The following LHFPL3 variants were observed in gnomAD, a reference collection of about 807,000 sequenced individuals.
LHFPL3 encodes LHFPL tetraspan subfamily member 3, also known as LHFPL tetraspan subfamily member 3 protein.
In LHFPL3, 5 loss-of-function variants were observed where a neutral mutation model predicts 19.3. The ratio of observed to expected loss-of-function variants is 0.26; its 90% CI spans 0.14 to 0.54. The LOEUF (loss-of-function observed/expected upper bound fraction) is 0.54. Ranked by LOEUF, LHFPL3 falls within the 20% of genes least tolerant of loss-of-function variation. The pLI, the probability that LHFPL3 is intolerant of heterozygous loss-of-function variation, is 0.94. For missense variants in LHFPL3, 249 were observed against 307.4 expected (o/e 0.81, Z 1.42); for synonymous variants, 133 against 126.2 (o/e 1.05, Z -0.36).
intron 1 of LHFPL3, among the ~76,000 whole-genome samples, chr7:104,692,406 C>T (rs1170370851): frequency 6.6e-6 from 1 of 152,246 alleles, no homozygotes; most frequent in African/African-American, 2.4e-5. Context: ...ACTGTAGCCC[C>T]TCCCATCACA....
intron 2 of LHFPL3, among the ~76,000 whole-genome samples, chr7:104,813,807 T>C (rs1373998694): frequency 6.6e-6 from 1 of 152,174 alleles, no homozygotes; most frequent in Non-Finnish European, 1.5e-5. Context: ...CCTGAAAGCT[T>C]GGAGATGCCA....
intron 1 of LHFPL3, among the ~76,000 whole-genome samples, chr7:104,667,590 A>G (rs971127269): frequency 1.3e-5 from 2 of 152,244 alleles, no homozygotes; most frequent in Admixed American, 1.3e-4. Flanking sequence ...TGGATCCACT[A>G]TCAGCATAAC....
chr7:104,829,515 G>A (rs1016398416), intron 2 of LHFPL3, among the ~76,000 whole-genome samples: 10 of 151,474 alleles, frequency 6.6e-5, no homozygotes, highest in African/African-American at 2.0e-4. Context: ...GGAGTGTGAT[G>A]TTCCCCTTCC....
intron 1 of LHFPL3, among the ~76,000 whole-genome samples, chr7:104,463,459 A>T (rs1291807866): frequency 6.6e-6 from 1 of 152,230 alleles, no homozygotes; most frequent in Non-Finnish European, 1.5e-5. Context: ...AGTTTCAAAG[A>T]ACTTCTTGAT....
At chr7:104,764,703 C>T (rs1374812542) in intron 2 of LHFPL3, among the ~76,000 whole-genome samples, 1 of 152,210 alleles carries the variant, frequency 6.6e-6, no homozygotes, top group Non-Finnish European at 1.5e-5. Context: ...GCAATATTTA[C>T]ATGCCTATCT....
At chr7:104,842,296 G>A (rs187891978) in intron 2 of LHFPL3, among the ~76,000 whole-genome samples, 7 of 140,678 alleles carry the variant, frequency 5.0e-5, no homozygotes, top group East Asian at 2.5e-4. Context: ...TTGCGGGGGT[G>A]GGGGGGTGGG....
chr7:104,464,458 C>G (rs1292372045), intron 1 of LHFPL3, among the ~76,000 whole-genome samples: 2 of 152,216 alleles, frequency 1.3e-5, no homozygotes, highest in Admixed American at 6.5e-5. Flanking sequence ...TTCACATTTC[C>G]CTTCTTCACT....
chr7:104,732,704 T>G (rs577069587), intron 1 of LHFPL3, among the ~76,000 whole-genome samples: 2 of 152,262 alleles, frequency 1.3e-5, no homozygotes, highest in African/African-American at 4.8e-5. Context: ...TTTTGAAGGG[T>G]TTTTTATGTC....
intron 1 of LHFPL3, among the ~76,000 whole-genome samples, chr7:104,688,061 T>A (rs567809044): frequency 3.3e-5 from 5 of 152,322 alleles, no homozygotes; most frequent in South Asian, 4.1e-4. Flanking sequence ...TGTTCAGAGA[T>A]TTATGCAAAA....
chr7:104,331,534 A>G (rs998262909), intron 1 of LHFPL3, among the ~76,000 whole-genome samples: 1 of 96,722 alleles, frequency 1.0e-5, no homozygotes, highest in Non-Finnish European at 1.9e-5. Flanking sequence ...TTTTTAAGGA[A>G]TAACATAGAA....
intron 2 of LHFPL3, among the ~76,000 whole-genome samples, chr7:104,838,614 G>A (rs1304567698): frequency 6.6e-6 from 1 of 152,152 alleles, no homozygotes; most frequent in Non-Finnish European, 1.5e-5. Context: ...TTTCAAATTT[G>A]ACTAAAGCAT....
At chr7:104,607,436 A>C (rs924106314) in intron 1 of LHFPL3, among the ~76,000 whole-genome samples, 1 of 152,226 alleles carries the variant, frequency 6.6e-6, no homozygotes, top group Non-Finnish European at 1.5e-5. Flanking sequence ...CATTAACTAC[A>C]TACAGAACCA....
At chr7:104,565,721 GTCTATCTA>G (rs6150264) in intron 1 of LHFPL3, among the ~76,000 whole-genome samples, 54,916 of 143,776 alleles carry the variant, frequency 0.38, 10,981 homozygotes, top group South Asian at 0.51. Context: ...CTGTCTGTCT[GTCTATCTA>G]TCTATCTATC....
At chr7:104,596,282 T>A (rs1290242508) in intron 1 of LHFPL3, among the ~76,000 whole-genome samples, 2 of 152,234 alleles carry the variant, frequency 1.3e-5, no homozygotes, top group Non-Finnish European at 2.9e-5. Context: ...AAGGCAGCAA[T>A]GAAGAGCTTC....
At chr7:104,845,522 G>A (rs1354740896) in intron 2 of LHFPL3, 28 of 1,428,378 alleles carry the variant, frequency 2.0e-5, no homozygotes, top group Non-Finnish European at 2.5e-5. Flanking sequence ...TCTGATTCCC[G>A]CTTTCAGCGC....
At chr7:104,856,814 G>T (rs1367735211) in intron 2 of LHFPL3, among the ~76,000 whole-genome samples, 6 of 152,100 alleles carry the variant, frequency 3.9e-5, no homozygotes, top group Non-Finnish European at 7.4e-5. Flanking sequence ...ATTATAGTAA[G>T]GTGTATTATG....
chr7:104,567,136 T>C (rs1790139427), intron 1 of LHFPL3, among the ~76,000 whole-genome samples: 1 of 152,254 alleles, frequency 6.6e-6, no homozygotes, highest in African/African-American at 2.4e-5. Flanking sequence ...TGTCTTTCAC[T>C]TAACTTTTGT....
chr7:104,370,408 C>T (rs1310688897), intron 1 of LHFPL3, among the ~76,000 whole-genome samples: 1 of 152,160 alleles, frequency 6.6e-6, no homozygotes, highest in Non-Finnish European at 1.5e-5. Context: ...AGCACCACCG[C>T]CCTCCCCTTT....
intron 2 of LHFPL3, among the ~76,000 whole-genome samples, chr7:104,737,907 T>C (rs978446815): frequency 6.6e-6 from 1 of 152,176 alleles, no homozygotes; most frequent in Admixed American, 6.5e-5. Context: ...GACTCAAATA[T>C]AAGTATATAC....
Sources: gnomAD v4.1 joint callset for allele counts (sites outside exome capture counted in the v4.1 genomes callset) on GRCh38, gnomAD v4.1.1 for gene constraint, MANE v1.5 for transcripts, NCBI Gene and HGNC (gene_info 2026-07-23, HGNC 2026-07-21) for gene names.